Variants in KCNQ5 observed in about 807,000 individuals in gnomAD.
KCNQ5 encodes the protein potassium voltage-gated channel subfamily KQT member 5.
KCNQ5 carries 30 observed loss-of-function variants against 98.2 expected under a neutral mutation model. The ratio of observed to expected loss-of-function variants is 0.31; its 90% confidence interval spans 0.23 to 0.41. The LOEUF (loss-of-function observed/expected upper bound fraction) is 0.41. Among genes scored for constraint, KCNQ5 ranks in the 10% least tolerant of loss-of-function variants. The probability of loss-of-function intolerance (pLI) is 1.00; values close to 1 mark genes in which losing one functional copy is unlikely to be tolerated. For synonymous variants in KCNQ5, 458 were observed against 449.4 expected (o/e 1.02, Z -0.24); for missense variants, 835 against 1,182.5 (o/e 0.71, Z 4.31).
At chr6:72,643,705 T>A (rs1393026542) in intron 1 of KCNQ5, among the ~76,000 whole-genome samples, 1 of 152,132 alleles carries the variant, frequency 6.6e-6, no homozygotes, top group East Asian at 1.9e-4. Context: ...AGATAAGGGA[T>A]ACTCAAACCT....
chr6:72,721,684 A>T (rs1326222019), intron 1 of KCNQ5, among the ~76,000 whole-genome samples: 1 of 152,224 alleles, frequency 6.6e-6, no homozygotes, highest in African/African-American at 2.4e-5. Flanking sequence ...GTTTTTATAC[A>T]CTAATTTTTG....
intron 11 of KCNQ5, among the ~76,000 whole-genome samples, chr6:73,184,039 T>C (rs952792248): frequency 6.6e-6 from 1 of 152,228 alleles, no homozygotes; most frequent in African/African-American, 2.4e-5. Flanking sequence ...TCAACCAATA[T>C]AATTCCATCC....
intron 1 of KCNQ5, among the ~76,000 whole-genome samples, chr6:72,881,528 T>C (rs986186545): frequency 6.6e-6 from 1 of 152,190 alleles, no homozygotes; most frequent in Non-Finnish European, 1.5e-5. Flanking sequence ...TCAAAGATAT[T>C]ATCTATCAAC....
chr6:73,186,842 A>G (rs1161018645), intron 11 of KCNQ5, among the ~76,000 whole-genome samples: 1 of 152,046 alleles, frequency 6.6e-6, no homozygotes, highest in African/African-American at 2.4e-5. Context: ...TGCACAATGT[A>G]CAGTTTTGTT....
intron 1 of KCNQ5, among the ~76,000 whole-genome samples, chr6:72,836,886 T>G (rs577597724): frequency 5.9e-5 from 9 of 152,314 alleles, no homozygotes; most frequent in Non-Finnish European, 1.2e-4. Context: ...TGTCTTTTGA[T>G]AATGCATAGC....
chr6:73,163,063 G>C (rs962959879), intron 10 of KCNQ5, among the ~76,000 whole-genome samples: 12 of 152,090 alleles, frequency 7.9e-5, no homozygotes, highest in African/African-American at 2.7e-4. Context: ...GAAAATAAAT[G>C]AATGAATGAA....
chr6:72,772,678 G>A (rs1314783323), intron 1 of KCNQ5, among the ~76,000 whole-genome samples: 1 of 152,136 alleles, frequency 6.6e-6, no homozygotes, highest in Non-Finnish European at 1.5e-5. Context: ...AAGATGTATT[G>A]AAGGGCTGTG....
chr6:72,678,127 C>A (rs1767512102), intron 1 of KCNQ5, among the ~76,000 whole-genome samples: 1 of 152,146 alleles, frequency 6.6e-6, no homozygotes, highest in South Asian at 2.1e-4. Context: ...CACTGTAGGG[C>A]TGAATTGGTT....
At chr6:73,193,146 A>G (rs536824257) in intron 13 of KCNQ5, among the ~76,000 whole-genome samples, 37 of 150,308 alleles carry the variant, frequency 2.5e-4, no homozygotes, top group African/African-American at 8.3e-4. Flanking sequence ...TCAGCCTCCC[A>G]AGTAGATGGG....
chr6:72,939,124 G>A (rs1766103733), intron 1 of KCNQ5, among the ~76,000 whole-genome samples: 1 of 152,152 alleles, frequency 6.6e-6, no homozygotes, highest in Non-Finnish European at 1.5e-5. Context: ...TGTTCGTTGA[G>A]CATTACAGAA....
intron 1 of KCNQ5, among the ~76,000 whole-genome samples, chr6:72,655,689 G>C (rs770883556): frequency 6.6e-6 from 1 of 152,080 alleles, no homozygotes; most frequent in African/African-American, 2.4e-5. Flanking sequence ...GGAATATGTC[G>C]GGACATACTG....
chr6:72,830,032 T>C (rs1309988686), intron 1 of KCNQ5, among the ~76,000 whole-genome samples: 1 of 152,098 alleles, frequency 6.6e-6, no homozygotes, highest in Non-Finnish European at 1.5e-5. Flanking sequence ...ACAAGGGATG[T>C]GAAGGACCTC....
chr6:72,921,559 A>G (rs1582020635), intron 1 of KCNQ5, among the ~76,000 whole-genome samples: 1 of 152,274 alleles, frequency 6.6e-6, no homozygotes, highest in East Asian at 1.9e-4. Flanking sequence ...TACTAGTTGT[A>G]TGACGTTGCT....
intron 8 of KCNQ5, 81 bp downstream of exon 8, chr6:73,120,658 A>C (rs1376711964): frequency 5.8e-6 from 5 of 859,418 alleles, no homozygotes; most frequent in African/African-American, 1.7e-5. Flanking sequence ...CACACAAAAA[A>C]AGGTGTTAAT....
intron 2 of KCNQ5, among the ~76,000 whole-genome samples, chr6:73,029,071 C>G (rs1176649517): frequency 6.6e-6 from 1 of 152,108 alleles, no homozygotes; most frequent in East Asian, 1.9e-4. Context: ...GGGTGGCAAG[C>G]AGGCAGTGAT....
chr6:72,837,924 C>G (rs1392068383), intron 1 of KCNQ5, among the ~76,000 whole-genome samples: 2 of 151,812 alleles, frequency 1.3e-5, no homozygotes, highest in Non-Finnish European at 2.9e-5. Flanking sequence ...GTTATGGACA[C>G]CAAGTTATTT....
At chr6:73,067,863 GATATATATATATATATAT>G (rs71695883) in intron 3 of KCNQ5, among the ~76,000 whole-genome samples, 1 of 4,386 alleles carries the variant, frequency 2.3e-4, no homozygotes, top group African/African-American at 2.5e-4. Flanking sequence ...TTGGACAAAA[GATATATATATATATATAT>G]ATATATATAT....
chr6:73,078,721 T>C (rs1773638417), intron 5 of KCNQ5, among the ~76,000 whole-genome samples: 1 of 152,186 alleles, frequency 6.6e-6, no homozygotes, highest in African/African-American at 2.4e-5. Context: ...TATTTTGCAT[T>C]GCTACCAGTT....
At chr6:72,784,322 G>GAGAGA (rs751360715) in intron 1 of KCNQ5, among the ~76,000 whole-genome samples, 24 of 152,248 alleles carry the variant, frequency 1.6e-4, no homozygotes, top group South Asian at 4.1e-4. Context: ...AGACCTGATA[G>GAGAGA]AGAGAAGAGA....
Sources: gnomAD v4.1 joint callset for allele counts (sites outside exome capture counted in the v4.1 genomes callset) on GRCh38, gnomAD v4.1.1 for gene constraint, MANE v1.5 for transcripts, NCBI Gene and HGNC (gene_info 2026-07-23, HGNC 2026-07-21) for gene names.